Variants in HK2 observed in about 807,000 individuals in gnomAD.
The protein encoded by HK2 is hexokinase 2.
A neutral mutation model predicts 92.9 loss-of-function variants in HK2; 42 were observed. That is an observed-to-expected ratio of 0.45 (90% CI 0.35 to 0.58). HK2 has a LOEUF of 0.58. Among genes scored for constraint, HK2 ranks in the 20% least tolerant of loss-of-function variants. The pLI is 0.00. For missense variants in HK2, 978 were observed against 1,245.1 expected, an observed-to-expected ratio of 0.79 and a Z score of 3.23; for synonymous variants, 422 against 468.0, an observed-to-expected ratio of 0.90 and a Z score of 1.27.
At chr2:74,887,063 G>A (rs934791875) in intron 15 of HK2, among the ~76,000 whole-genome samples, 1 of 152,216 alleles carries the variant, frequency 6.6e-6, no homozygotes, top group Admixed American at 6.5e-5. Flanking sequence ...TGAGCAAGGG[G>A]CCAGCCCCAG....
chr2:74,876,520 G>A (rs955970833), intron 7 of HK2, among the ~76,000 whole-genome samples: 4 of 152,192 alleles, frequency 2.6e-5, no homozygotes, highest in Non-Finnish European at 4.4e-5. Context: ...GCCGTCCCCT[G>A]CCTTTCTAAA....
Position 74,877,252 on chromosome 2 carries a change from G to A in HK2, c.962G>A (p.Gly321Glu), listed in dbSNP as rs36066402. The A allele has an allele frequency of 1.9e-4, 311 of 1,614,160 alleles. 1 individual carries two copies. In the African/African-American group the frequency reaches 2.0e-3, roughly 10 times the overall value. The change falls in exon 8 of 18, where the codon GGG becomes GAG. Residue 321 changes from glycine (G) to glutamate (E), a missense_variant. By Grantham distance (98) the Gly-to-Glu change is moderately conservative (BLOSUM62 -2). Transcript: ENST00000290573. ...ATGGCCAAGGAGGAGCTGCTCTTTGGGGGGAAGCTCAGCCCAGAGCTTCTC... is the reference window on the plus strand; with the variant it reads ...ATGGCCAAGGAGGAGCTGCTCTTTGAGGGGAAGCTCAGCCCAGAGCTTCTC... ...VKMAKEELLFGGKLSPELLNT... is the reference protein window; with the variant it reads ...VKMAKEELLFEGKLSPELLNT...
At chr2:74,851,679 G>A (rs1392393660) in intron 1 of HK2, among the ~76,000 whole-genome samples, 3 of 152,104 alleles carry the variant, frequency 2.0e-5, no homozygotes, top group South Asian at 2.1e-4. Flanking sequence ...GAGGTGGGGC[G>A]GGGGCACCAA....
rs571621794 is a variant in HK2 at position 74,838,231 on chromosome 2, C to A, written c.63+3588C>A. On this transcript the variant is annotated intron_variant, in intron 1 of 17. Coordinates refer to ENST00000290573, the MANE Select transcript of HK2 (RefSeq NM_000189.5). The stretch of plus-strand genomic sequence containing the variant: ...TAGGTTTGTCGCTGCAGTTCCTGGC[C>A]ACTGGTGAGGTGCTCAGTGAGTACA... Among the ~76,000 whole-genome samples, 3 of 152,222 alleles carry A rather than the reference C, an allele frequency of 2.0e-5. No individual in the cohort carries two copies. In the South Asian group the frequency reaches 6.2e-4, roughly 32 times the overall value.
intron 1 of HK2, among the ~76,000 whole-genome samples, chr2:74,853,568 T>G: frequency 6.9e-6 from 1 of 144,020 alleles, no homozygotes; most frequent in African/African-American, 2.5e-5. Flanking sequence ...AACAACAAAA[T>G]TAGCCAGACA....
intron 9 of HK2, among the ~76,000 whole-genome samples, chr2:74,879,655 T>A (rs1445174131): frequency 1.3e-5 from 2 of 152,188 alleles, no homozygotes; most frequent in Non-Finnish European, 2.9e-5. Flanking sequence ...GGCTGCAGCC[T>A]ACTCCTGCAC....
chr2:74,879,891 A>T (rs1311048601), intron 9 of HK2, among the ~76,000 whole-genome samples: 3 of 152,230 alleles, frequency 2.0e-5, no homozygotes, highest in Admixed American at 2.0e-4. Context: ...AGGTGGCATC[A>T]GAACCACCTA....
chr2:74,855,754 A>G (rs895776221), intron 2 of HK2, among the ~76,000 whole-genome samples: 2 of 152,190 alleles, frequency 1.3e-5, no homozygotes, highest in African/African-American at 4.8e-5. Flanking sequence ...TTGGCAGTAT[A>G]GGTAGAGTGG....
intron 1 of HK2, 128 bp from the exon 2 acceptor site, chr2:74,854,165 T>G: frequency 2.2e-6 from 2 of 922,892 alleles, no homozygotes; most frequent in Non-Finnish European, 3.6e-6. Flanking sequence ...ACTAATGGTC[T>G]TTAATAATAA....
intron 15 of HK2, 94 bp downstream of exon 15, chr2:74,886,767 G>A: frequency 7.8e-7 from 1 of 1,274,180 alleles, no homozygotes; most frequent in Non-Finnish European, 1.1e-6. Flanking sequence ...CAGGACGCCG[G>A]TTCTCGTGAG....
Position 74,888,055 on chromosome 2 carries a change from A to G in HK2, c.2372A>G (p.Glu791Gly), listed in dbSNP as rs1290932188. The G allele has an allele frequency of 1.2e-6, 2 of 1,614,134 alleles. No homozygotes were observed. The highest frequency in any genetic ancestry group is 2.2e-5 in the East Asian group (1 of 44,886). The change falls in exon 16 of 18, where the codon GAG (glutamate) becomes GGG (glycine). Residue 791 changes from glutamate (E) to glycine (G), a missense_variant. This residue lies in a region of HK2 where 742 missense variants were observed against 922.5 expected (regional missense o/e 0.80). Transcript: ENST00000290573. ...IFETKFLSQI[E>G]SDCLALLQVR... is the part of the protein sequence containing the mutation. ...GAAACCAAGTTCTTGTCTCAGATTGAGAGGTGAGAGCTTAGGGCTCAGGGT... is the reference window on the plus strand; with the variant it reads ...GAAACCAAGTTCTTGTCTCAGATTGGGAGGTGAGAGCTTAGGGCTCAGGGT...
At chr2:74,845,347 G>A (rs1022902275) in intron 1 of HK2, among the ~76,000 whole-genome samples, 11 of 152,314 alleles carry the variant, frequency 7.2e-5, no homozygotes, top group African/African-American at 2.4e-4. Flanking sequence ...GTTGGCAGGT[G>A]AACTGTGCCA....
chr2:74,891,817 A>C lies in HK2; in HGVS notation c.*876A>C, dbSNP rs1558808581. 1 of 152,546 alleles carries C rather than the reference A, an allele frequency of 6.6e-6. No individual in the cohort carries two copies. Among genetic ancestry groups the C allele is most frequent in the Non-Finnish European group, 1.5e-5 (1 of 68,030 alleles). The allele number at this position is 152,546 out of a possible 1,614,324, so 9.4% of individuals were successfully genotyped here. On this transcript the variant is annotated 3_prime_UTR_variant, in exon 18 of 18. Coordinates refer to ENST00000290573, the MANE Select transcript of HK2 (RefSeq NM_000189.5). ...ATGGTCAGTTGTACGTAATGTATTT[A>C]TATGTTAATTTGTTATGTATATAGA...
chr2:74,881,085 A>G lies in HK2; in HGVS notation c.1570+516A>G, dbSNP rs28363034. ...GTACATAAGGTTTTATTACACAGCCATGCCCATGCGTCTGCACGTTGCTTA... is the reference window on the plus strand; with the variant it reads ...GTACATAAGGTTTTATTACACAGCCGTGCCCATGCGTCTGCACGTTGCTTA... On this transcript the variant is annotated intron_variant, in intron 10 of 17. Transcript: ENST00000290573. 2.1e-3 allele frequency among the ~76,000 whole-genome samples: 322 copies of G among 152,172 alleles called. 1 individual carries two copies. Among genetic ancestry groups the G allele is most frequent in the African/African-American group, 7.6e-3 (315 of 41,486 alleles).
intron 1 of HK2, among the ~76,000 whole-genome samples, chr2:74,844,951 A>G (rs1284835761): frequency 6.6e-6 from 1 of 152,068 alleles, no homozygotes; most frequent in Non-Finnish European, 1.5e-5. Flanking sequence ...CACCTATTAT[A>G]TCCTAGTATT....
intron 3 of HK2, among the ~76,000 whole-genome samples, chr2:74,869,647 T>C (rs1164284661): frequency 6.6e-6 from 1 of 152,130 alleles, no homozygotes; most frequent in Non-Finnish European, 1.5e-5. Context: ...AGTGAGCAGA[T>C]TTTCAGACCA....
chr2:74,854,387 C>G lies in HK2; in HGVS notation c.158C>G (p.Ala53Gly). The stretch of plus-strand genomic sequence containing the variant: ...AAGGAGATGGAGAAAGGGCTTGGAG[C>G]CACCACTCACCCTACTGCAGCAGTG... ...FRKEMEKGLG[A>G]TTHPTAAVKM... The change falls in exon 2 of 18, where the codon GCC (alanine) becomes GGC (glycine). Residue 53 changes from alanine to glycine, a missense_variant. Physicochemically the swap from Ala to Gly is moderately conservative, Grantham distance 60 (BLOSUM62 0). This residue lies in a region of HK2 where 189 missense variants were observed against 289.5 expected (regional missense o/e 0.65). Coordinates refer to ENST00000290573, the MANE Select transcript of HK2 (RefSeq NM_000189.5). The G allele has an allele frequency of 6.2e-7, 1 of 1,614,168 alleles. No homozygotes were observed. Among genetic ancestry groups the G allele is most frequent in the Non-Finnish European group, 8.5e-7 (1 of 1,180,032 alleles).
At chr2:74,851,984 A>G (rs1300582779) in intron 1 of HK2, among the ~76,000 whole-genome samples, 1 of 152,208 alleles carries the variant, frequency 6.6e-6, no homozygotes, top group Non-Finnish European at 1.5e-5. Flanking sequence ...AGAGTGGACA[A>G]GAGCACAGAC....
chr2:74,865,650 C>T (rs1230564521), intron 2 of HK2, among the ~76,000 whole-genome samples: 2 of 152,080 alleles, frequency 1.3e-5, no homozygotes, highest in Non-Finnish European at 2.9e-5. Context: ...TGTAGCTAGC[C>T]CGCAGCTGTA....
Sources: gnomAD v4.1 joint callset for allele counts (sites outside exome capture counted in the v4.1 genomes callset) on GRCh38, gnomAD v4.1.1 for gene constraint, gnomAD v4.1.1 regional missense constraint, MANE v1.5 for transcripts, NCBI Gene and HGNC (gene_info 2026-07-23, HGNC 2026-07-21) for gene names.